The following ARHGAP26 variants were observed in gnomAD, a reference collection of about 807,000 sequenced individuals.
The protein encoded by ARHGAP26 is Rho GTPase activating protein 26.
ARHGAP26 carries 38 observed loss-of-function variants against 104.8 expected under a neutral mutation model. The ratio of observed to expected loss-of-function variants is 0.36; its 90% confidence interval spans 0.28 to 0.48. The LOEUF (loss-of-function observed/expected upper bound fraction) is 0.48. Ranked by LOEUF, ARHGAP26 falls within the 20% of genes least tolerant of loss-of-function variation. The probability of loss-of-function intolerance (pLI) is 0.99; values close to 1 mark genes in which losing one functional copy is unlikely to be tolerated. For synonymous variants in ARHGAP26, 341 were observed against 340.0 expected, an observed-to-expected ratio of 1.00 and a Z score of -0.03; for missense variants, 704 against 947.9, an observed-to-expected ratio of 0.74 and a Z score of 3.38.
At chr5:142,986,203 C>T (rs929637501) in intron 11 of ARHGAP26, among the ~76,000 whole-genome samples, 22 of 152,156 alleles carry the variant, frequency 1.4e-4, no homozygotes, top group African/African-American at 5.3e-4. Context: ...GCCATTCTAA[C>T]TGGTGTGAGA....
At chr5:143,052,099 A>G (rs1281442850) in intron 14 of ARHGAP26, among the ~76,000 whole-genome samples, 1 of 152,208 alleles carries the variant, frequency 6.6e-6, no homozygotes, top group Non-Finnish European at 1.5e-5. Context: ...TACTGGGAAA[A>G]TCACATTTTG....
chr5:143,214,074 C>T lies in ARHGAP26; in HGVS notation c.2177C>T (p.Thr726Met), dbSNP rs201921386. ...TCAGAACTTTCGTTCACAGCAGGCA[C>T]GGTCTTCGATAACGGTGAGTTTCTC... ...HDSELSFTAGTVFDNVHPSQE... is the reference protein window; with the variant it reads ...HDSELSFTAGMVFDNVHPSQE... Residue 726 changes from threonine (T) to methionine (M), a missense_variant, in exon 22 of 23, where the codon ACG becomes ATG. This residue lies in a region of ARHGAP26 where 217 missense variants were observed against 242.6 expected (regional missense o/e 0.89). Transcript: ENST00000645722. 12 of 1,564,822 alleles carry T rather than the reference C, an allele frequency of 7.7e-6. No individual in the cohort carries two copies. The highest frequency in any genetic ancestry group is 2.3e-5 in the East Asian group (1 of 43,972).
At chr5:142,828,254 T>C (rs1213987786) in intron 1 of ARHGAP26, among the ~76,000 whole-genome samples, 2 of 152,214 alleles carry the variant, frequency 1.3e-5, no homozygotes, top group African/African-American at 4.8e-5. Context: ...TCTCCACCCT[T>C]TCTTATGGAA....
At chr5:142,985,436 G>A (rs1774553543) in intron 11 of ARHGAP26, among the ~76,000 whole-genome samples, 1 of 151,996 alleles carries the variant, frequency 6.6e-6, no homozygotes, top group Admixed American at 6.6e-5. Flanking sequence ...ATCACTCATT[G>A]ACTCTCCCAG....
Position 143,207,290 on chromosome 5 carries a change from G to A in ARHGAP26, c.2081G>A (p.Ser694Asn), listed in dbSNP as rs1219245612. ...CCTATGCCCACCTCATCCACGTCCA[G>A]CGACTCATCCCCCGTCAGGTCTGTT... ...SSPMPTSSTS[S>N]DSSPVSTPFR... The change falls in exon 21 of 23, where the codon AGC (serine) becomes AAC (asparagine). Residue 694 changes from serine (S) to asparagine (N), a missense_variant. This residue lies in a region of ARHGAP26 where 217 missense variants were observed against 242.6 expected (regional missense o/e 0.89). Transcript: ENST00000645722. 1 of 1,614,098 alleles carries A rather than the reference G, an allele frequency of 6.2e-7. No homozygotes were observed. Among genetic ancestry groups the A allele is most frequent in the Non-Finnish European group, 8.5e-7 (1 of 1,180,002 alleles).
chr5:142,840,716 TCCTGGTGTGTGTACTCCA>T, intron 1 of ARHGAP26, among the ~76,000 whole-genome samples: 1 of 152,280 alleles, frequency 6.6e-6, no homozygotes, highest in East Asian at 1.9e-4. Context: ...TTCTCTGAGG[TCCTGGTGTGTGTACTCCA>T]CCCAGAAGCT....
At chr5:143,163,977 G>A (rs893592491) in intron 20 of ARHGAP26, among the ~76,000 whole-genome samples, 2 of 151,620 alleles carry the variant, frequency 1.3e-5, no homozygotes, top group African/African-American at 4.8e-5. Flanking sequence ...TCATTTGCAT[G>A]TGTTGCATTT....
At chr5:143,090,627 G>A (rs2150523059) in intron 17 of ARHGAP26, among the ~76,000 whole-genome samples, 1 of 152,292 alleles carries the variant, frequency 6.6e-6, no homozygotes, top group South Asian at 2.1e-4. Context: ...GCTTAGAAAA[G>A]GGGGAGAACT....
At chr5:142,773,393 T>C (rs566548003) in intron 1 of ARHGAP26, among the ~76,000 whole-genome samples, 1 of 152,370 alleles carries the variant, frequency 6.6e-6, no homozygotes, top group East Asian at 1.9e-4. Flanking sequence ...TCTAGCTCTT[T>C]GGATTTAACT....
chr5:143,040,644 A>G (rs544306269), intron 13 of ARHGAP26, among the ~76,000 whole-genome samples: 1 of 152,340 alleles, frequency 6.6e-6, no homozygotes, highest in South Asian at 2.1e-4. Context: ...TAAGGGAATG[A>G]CCAGTAATGT....
intron 12 of ARHGAP26, among the ~76,000 whole-genome samples, chr5:143,026,013 G>A (rs74571666): frequency 0.015 from 2,276 of 152,252 alleles, 37 homozygotes; most frequent in African/African-American, 0.041. Context: ...GGGAAGAAAA[G>A]TCTGACTAGC....
intron 20 of ARHGAP26, chr5:143,203,365 CAGTG>C (rs1299531386): frequency 1.3e-5 from 2 of 152,180 alleles, no homozygotes; most frequent in Admixed American, 6.5e-5. Flanking sequence ...ATCAAAACCA[CAGTG>C]AGATACCATC....
intron 11 of ARHGAP26, among the ~76,000 whole-genome samples, chr5:142,958,346 A>G (rs985602269): frequency 1.3e-5 from 2 of 152,226 alleles, no homozygotes; most frequent in Admixed American, 6.5e-5. Context: ...TGCACCAATC[A>G]TATGTTGAAT....
At position 142,827,103 on chromosome 5, in the gene ARHGAP26, G is replaced by GTT. The variant is rs79156081; in HGVS notation, c.155-46287_155-46286dup. On this transcript the variant is annotated intron_variant, in intron 1 of 22. Coordinates refer to ENST00000645722, the MANE Select transcript of ARHGAP26 (RefSeq NM_001135608.3). ...CTGTGAATGGGGAAACTGAGCTTCT[G>GTT]TTTTTTTTTTTAAATCCTATTTTTT... 5.7e-3 allele frequency among the ~76,000 whole-genome samples: 824 copies of GTT among 144,590 alleles called. 11 individuals are homozygous for GTT. Among genetic ancestry groups the GTT allele is most frequent in the African/African-American group, 0.02 (783 of 39,606 alleles). 94.9% of individuals were successfully genotyped at this position (144,590 alleles called of 152,430 possible).
intron 20 of ARHGAP26, among the ~76,000 whole-genome samples, chr5:143,195,887 C>T (rs1806747744): frequency 6.6e-6 from 1 of 150,522 alleles, no homozygotes; most frequent in African/African-American, 2.4e-5. Flanking sequence ...GTTTTAAAAG[C>T]ACAAAAACTT....
rs557572480 is a variant in ARHGAP26, at chr5:143,122,180, G to T, written c.1698+1033G>T. On this transcript the variant is annotated intron_variant, in intron 18 of 22. Transcript: ENST00000645722. Reference sequence around the variant, plus strand: ...GTTTTCTCCTAAGAATTATCCAGTGGCTTCCCATTTCATACATTTGCCCAC... The same window carrying T: ...GTTTTCTCCTAAGAATTATCCAGTGTCTTCCCATTTCATACATTTGCCCAC... Among the ~76,000 whole-genome samples, 7 of 152,104 alleles carry T rather than the reference G, an allele frequency of 4.6e-5. No homozygotes were observed. In the South Asian group the frequency reaches 1.5e-3, roughly 32 times the overall value.
rs541566930 is a variant in ARHGAP26 at position 142,873,605 on chromosome 5, A to G, written c.250+110A>G. On this transcript the variant is annotated intron_variant, in intron 2 of 22. Coordinates refer to ENST00000645722, the MANE Select transcript of ARHGAP26 (RefSeq NM_001135608.3). Reference sequence around the variant, plus strand: ...GGAAGTCTCTAAGGTTAGTAAACAAAGAAGTCCTTAGTGGAAGTGGAGGGC... The same window carrying G: ...GGAAGTCTCTAAGGTTAGTAAACAAGGAAGTCCTTAGTGGAAGTGGAGGGC... 112 of 687,386 alleles carry G rather than the reference A, an allele frequency of 1.6e-4. No homozygotes were observed. In the African/African-American group the frequency reaches 1.9e-3, roughly 12 times the overall value. The allele number at this position is 687,386 out of a possible 1,614,324, so 42.6% of individuals were successfully genotyped here.
chr5:143,122,161 T>C (rs1479292951), intron 18 of ARHGAP26, among the ~76,000 whole-genome samples: 1 of 152,172 alleles, frequency 6.6e-6, no homozygotes, highest in Non-Finnish European at 1.5e-5. Context: ...ATCAGTTTTC[T>C]CCTAAGAATT....
chr5:143,093,886 C>T (rs1218014572), intron 17 of ARHGAP26, among the ~76,000 whole-genome samples: 1 of 152,180 alleles, frequency 6.6e-6, no homozygotes, highest in East Asian at 1.9e-4. Context: ...GATTTCTCAC[C>T]TCTTTTAGAG....
Sources: allele counts gnomAD v4.1 joint callset (sites outside exome capture counted in the v4.1 genomes callset), GRCh38; gene constraint gnomAD v4.1.1; regional missense constraint gnomAD v4.1.1; transcripts MANE v1.5; gene names NCBI Gene and HGNC (gene_info 2026-07-23, HGNC 2026-07-21).